Variants in DPP10 observed in about 807,000 individuals in gnomAD.
DPP10 encodes the protein inactive dipeptidyl peptidase 10.
A neutral mutation model predicts 120.9 loss-of-function variants in DPP10; 33 were observed. That is an observed-to-expected ratio of 0.27 (90% CI 0.21 to 0.37). DPP10 has a LOEUF of 0.37. Among genes scored for constraint, DPP10 ranks in the 10% least tolerant of loss-of-function variants. The pLI, the probability that DPP10 is intolerant of heterozygous loss-of-function variation, is 1.00. For synonymous variants in DPP10, 337 were observed against 326.1 expected (o/e 1.03, Z -0.36); for missense variants, 816 against 942.8 (o/e 0.87, Z 1.76).
intron 1 of DPP10, among the ~76,000 whole-genome samples, chr2:114,681,291 G>A (rs896604115): frequency 6.6e-6 from 1 of 151,906 alleles, no homozygotes; most frequent in African/African-American, 2.4e-5. Context: ...TGATTCTCCT[G>A]ATTCACTTAG....
intron 1 of DPP10, among the ~76,000 whole-genome samples, chr2:114,888,498 A>G (rs1280041978): frequency 3.3e-5 from 5 of 152,214 alleles, no homozygotes; most frequent in African/African-American, 1.2e-4. Context: ...AAGTTTGGTA[A>G]TTATATTTAG....
intron 5 of DPP10, among the ~76,000 whole-genome samples, chr2:115,657,432 A>T (rs998561719): frequency 6.6e-6 from 1 of 151,798 alleles, no homozygotes; most frequent in Non-Finnish European, 1.5e-5. Context: ...AACAGAAAAT[A>T]TGGTTGTTTT....
intron 5 of DPP10, among the ~76,000 whole-genome samples, chr2:115,669,888 A>G (rs1213123362): frequency 2.0e-5 from 3 of 152,160 alleles, no homozygotes; most frequent in African/African-American, 7.2e-5. Context: ...AAACAATATT[A>G]GACATTTTTA....
intron 1 of DPP10, among the ~76,000 whole-genome samples, chr2:115,100,248 C>T (rs2048614725): frequency 6.6e-6 from 1 of 152,080 alleles, no homozygotes; most frequent in South Asian, 2.1e-4. Flanking sequence ...TCGAGGCCAG[C>T]CTGGGCAACA....
At chr2:114,747,733 A>G (rs1678709687) in intron 1 of DPP10, among the ~76,000 whole-genome samples, 1 of 152,182 alleles carries the variant, frequency 6.6e-6, no homozygotes. Context: ...CTGTATTTTT[A>G]GTATTATTCT....
Position 114,580,568 on chromosome 2 carries a change from A to G in DPP10, c.60+137730A>G, listed in dbSNP as rs78836712. 1.3e-3 allele frequency among the ~76,000 whole-genome samples: 192 copies of G among 152,254 alleles called. 1 individual carries two copies. Among genetic ancestry groups the G allele is most frequent in the African/African-American group, 4.4e-3 (181 of 41,538 alleles). On this transcript the variant is annotated intron_variant, in intron 1 of 25. Coordinates refer to ENST00000410059, the MANE Select transcript of DPP10 (RefSeq NM_020868.6). The stretch of plus-strand genomic sequence containing the variant: ...CTTTAAAGAAATTCTTAGAGAGGAA[A>G]TCTCTGGATAATAAAACTTTAAATT...
intron 1 of DPP10, among the ~76,000 whole-genome samples, chr2:114,578,243 C>G (rs1690218547): frequency 6.6e-6 from 1 of 152,112 alleles, no homozygotes; most frequent in Non-Finnish European, 1.5e-5. Flanking sequence ...ATGTAATGCA[C>G]AAGTATATTT....
At chr2:115,582,917 A>G (rs2082081774) in intron 5 of DPP10, among the ~76,000 whole-genome samples, 1 of 152,164 alleles carries the variant, frequency 6.6e-6, no homozygotes, top group African/African-American at 2.4e-5. Context: ...TCTACTAGGA[A>G]CTTAGTTGAC....
At chr2:114,743,828 G>C (rs960839084) in intron 1 of DPP10, among the ~76,000 whole-genome samples, 12 of 152,050 alleles carry the variant, frequency 7.9e-5, no homozygotes, top group African/African-American at 2.9e-4. Flanking sequence ...ATTGATAGTG[G>C]TATGTCCTAT....
intron 1 of DPP10, among the ~76,000 whole-genome samples, chr2:115,270,651 A>G (rs1368013497): frequency 2.0e-5 from 3 of 152,182 alleles, no homozygotes; most frequent in African/African-American, 4.8e-5. Flanking sequence ...TAACTGGGCC[A>G]GGGGTGAGGG....
intron 1 of DPP10, among the ~76,000 whole-genome samples, chr2:115,019,542 G>A (rs908873528): frequency 1.3e-5 from 2 of 152,110 alleles, no homozygotes; most frequent in Non-Finnish European, 2.9e-5. Context: ...CCAAACCTAA[G>A]AATAATTGGT....
At chr2:115,653,294 G>A (rs1343250774) in intron 5 of DPP10, among the ~76,000 whole-genome samples, 1 of 151,930 alleles carries the variant, frequency 6.6e-6, no homozygotes, top group Admixed American at 6.6e-5. Flanking sequence ...TTTAATACAA[G>A]TTAAAAAAGA....
At chr2:114,525,801 C>T (rs1451808815) in intron 1 of DPP10, among the ~76,000 whole-genome samples, 1 of 152,140 alleles carries the variant, frequency 6.6e-6, no homozygotes, top group East Asian at 1.9e-4. Flanking sequence ...CTTTATTTAG[C>T]AAATAGCCAA....
At chr2:114,552,603 T>C (rs1247477138) in intron 1 of DPP10, among the ~76,000 whole-genome samples, 1 of 152,280 alleles carries the variant, frequency 6.6e-6, no homozygotes, top group East Asian at 1.9e-4. Flanking sequence ...TGCAGTGCAG[T>C]GGCCCCAACT....
intron 1 of DPP10, among the ~76,000 whole-genome samples, chr2:114,974,558 G>C (rs1301031815): frequency 2.6e-5 from 4 of 151,138 alleles, no homozygotes; most frequent in African/African-American, 9.7e-5. Flanking sequence ...GCTGGGATTA[G>C]CCACCATGCC....
At chr2:115,298,971 A>G (rs1403555266) in intron 1 of DPP10, among the ~76,000 whole-genome samples, 1 of 152,042 alleles carries the variant, frequency 6.6e-6, no homozygotes, top group Non-Finnish European at 1.5e-5. Flanking sequence ...AAAGTAGGAA[A>G]CTAAATGGCA....
At chr2:115,055,585 A>T (rs528313324) in intron 1 of DPP10, among the ~76,000 whole-genome samples, 1 of 152,314 alleles carries the variant, frequency 6.6e-6, no homozygotes, top group African/African-American at 2.4e-5. Flanking sequence ...TTTTATTTTC[A>T]TAGTAAACCT....
In DPP10 at chr2:114,447,169, G is replaced by A. The variant is rs559657743; in HGVS notation, c.60+4331G>A. ...CTGCCACCACGCCTGGCTAATTTTT[G>A]TATTTTTAGTAGAGACGGGGTTTCA... On this transcript the variant is annotated intron_variant, in intron 1 of 25. Coordinates refer to ENST00000410059, the MANE Select transcript of DPP10 (RefSeq NM_020868.6). Among the ~76,000 whole-genome samples the A allele has an allele frequency of 6.6e-5, 10 of 150,480 alleles. No individual in the cohort carries two copies. In the East Asian group the frequency reaches 2.0e-3, roughly 30 times the overall value.
chr2:114,964,003 G>A (rs116530149), intron 1 of DPP10, among the ~76,000 whole-genome samples: 2,049 of 152,286 alleles, frequency 0.013, 24 homozygotes, highest in Non-Finnish European at 0.02. Flanking sequence ...GGTTGAAGAA[G>A]TAAGTAGGAG....
Sources: allele counts gnomAD v4.1 joint callset (sites outside exome capture counted in the v4.1 genomes callset), GRCh38; gene constraint gnomAD v4.1.1; transcripts MANE v1.5; gene names NCBI Gene and HGNC (gene_info 2026-07-23, HGNC 2026-07-21).